PDCD4: variants seen among roughly 807,000 people sequenced by gnomAD.
PDCD4 encodes programmed cell death protein 4.
PDCD4 carries 56 observed loss-of-function variants against 54.0 expected under a neutral mutation model. The observed-to-expected ratio is 1.04, with a 90% CI of 0.84 to 1.30. The LOEUF (loss-of-function observed/expected upper bound fraction) is 1.30, where lower values mean the gene tolerates loss of function less well. PDCD4 is among the 50% of genes most tolerant of loss of function. PDCD4 has a pLI of 0.00. For synonymous variants in PDCD4, 186 were observed against 194.8 expected, an observed-to-expected ratio of 0.95 and a Z score of 0.37; for missense variants, 584 against 559.8, an observed-to-expected ratio of 1.04 and a Z score of -0.44.
At position 110,883,087 on chromosome 10, in the gene PDCD4, A is replaced by T; in HGVS notation, c.431A>T (p.Asp144Val). Residue 144 changes from aspartate (D) to valine (V), a missense_variant, in exon 4 of 12, where the codon GAT becomes GTT. Asp to Val is a radical substitution (Grantham distance 152). Transcript: ENST00000280154. ...GTGGATGTGAAAGATCCTAACTATG[A>T]TGATGACCAGGTATCAGTGCTTTGC... is the stretch of plus-strand genomic sequence containing the variant. ...EEVDVKDPNYDDDQENCVYET... is the reference protein window; with the variant it reads ...EEVDVKDPNYVDDQENCVYET... 6.3e-7 allele frequency: 1 copy of T among 1,578,548 alleles called. No individual in the cohort carries two copies. Among genetic ancestry groups the T allele is most frequent in the Non-Finnish European group, 8.6e-7 (1 of 1,161,486 alleles).
In PDCD4 at chr10:110,894,186, G is replaced by A. The variant is rs767931500; in HGVS notation, c.1086G>A (p.Glu362=). The A allele has an allele frequency of 2.2e-5, 34 of 1,573,912 alleles. No homozygotes were observed. The highest frequency in any genetic ancestry group is 1.3e-4 in the Admixed American group (8 of 59,890). ...KELEVPHFHH[E]LVYEAIIMVL... is the part of the protein sequence containing the mutation. Reference sequence around the variant, plus strand: ...TGGAAGTACCTCATTTTCACCATGAGCTTGTATATGAAGTAAGATTACCTT... The same window carrying A: ...TGGAAGTACCTCATTTTCACCATGAACTTGTATATGAAGTAAGATTACCTT... Residue 362 remains glutamate, a synonymous_variant, in exon 9 of 12, where the codon GAG becomes GAA. Coordinates refer to ENST00000280154, the MANE Select transcript of PDCD4 (RefSeq NM_014456.5).
At chr10:110,875,344 A>G (rs1845486226) in intron 1 of PDCD4, among the ~76,000 whole-genome samples, 1 of 152,116 alleles carries the variant, frequency 6.6e-6, no homozygotes, top group African/African-American at 2.4e-5. Flanking sequence ...TATAAATAAT[A>G]TTATCAAAAA....
Position 110,874,539 on chromosome 10 carries a change from C to G in PDCD4, c.-62-1427C>G, listed in dbSNP as rs1189898720. On this transcript the variant is annotated intron_variant, in intron 1 of 11. Coordinates refer to ENST00000280154, the MANE Select transcript of PDCD4 (RefSeq NM_014456.5). ...TATTTTTAAGATTTTTTTTTCATAT[C>G]TAAAGTTGGCGGGAGTTATAGTGAA... Among the ~76,000 whole-genome samples the G allele has an allele frequency of 3.3e-5, 5 of 151,382 alleles. No individual in the cohort carries two copies. In the East Asian group the frequency reaches 9.7e-4, roughly 29 times the overall value.
At chr10:110,889,697 A>G in intron 7 of PDCD4, 67 bp downstream of exon 7, 1 of 865,982 alleles carries the variant, frequency 1.2e-6, no homozygotes, top group Admixed American at 1.9e-5. Flanking sequence ...TCCTATTGAA[A>G]TGACACTTGT....
intron 4 of PDCD4, chr10:110,885,034 G>C (rs1227494962): frequency 2.8e-6 from 1 of 355,032 alleles, no homozygotes; most frequent in South Asian, 6.3e-5. Context: ...GGCCTCAAGT[G>C]AACCTCCCGC....
At chr10:110,880,139 A>AT (rs1845568855) in intron 2 of PDCD4, among the ~76,000 whole-genome samples, 1 of 152,208 alleles carries the variant, frequency 6.6e-6, no homozygotes, top group South Asian at 2.1e-4. Context: ...TCTCCATGGA[A>AT]TTTGAGTATG....
intron 4 of PDCD4, 104 bp downstream of exon 4, chr10:110,883,201 T>C (rs1168332023): frequency 1.4e-6 from 1 of 738,896 alleles, no homozygotes; most frequent in Non-Finnish European, 2.2e-6. Context: ...TGTATAAATG[T>C]TTTGGATTAG....
At position 110,889,545 on chromosome 10, in the gene PDCD4, T is replaced by C; in HGVS notation, c.790T>C (p.Phe264Leu). 1.3e-6 allele frequency: 2 copies of C among 1,597,964 alleles called. No homozygotes were observed. The highest frequency in any genetic ancestry group is 1.3e-5 in the African/African-American group (1 of 74,488). The change falls in exon 7 of 12, where the codon TTT becomes CTT. Residue 264 changes from phenylalanine (F) to leucine (L), a missense_variant. Physicochemically the swap from Phe to Leu is conservative, Grantham distance 22. Transcript: ENST00000280154. The stretch of plus-strand genomic sequence containing the variant: ...TTCCTTTTTACAGTTGGTGGGCCAG[T>C]TTATTGCTAGAGCTGTTGGAGATGG... ...TPRAPQLVGQ[F>L]IARAVGDGIL... is the part of the protein sequence containing the mutation.
Position 110,898,281 on chromosome 10 carries a change from G to A in PDCD4, c.*193G>A. On this transcript the variant is annotated 3_prime_UTR_variant, in exon 12 of 12. Transcript: ENST00000280154. ...TTTTCTTTTTTTTTTGTTTTTCGAG[G>A]GGGCAAGGAGGGACAGAAAAGTAAC... The A allele has an allele frequency of 2.6e-6, 1 of 383,618 alleles. No homozygotes were observed. 23.8% of individuals were successfully genotyped at this position (383,618 alleles called of 1,614,324 possible).
chr10:110,898,157 A>ATT lies in PDCD4; in HGVS notation c.*69_*70insTT. ...CTGAATTGTAAGAGTTGTTAGCACAAGTTTTTTTTTTTTTTTTTTTTAAGC... is the reference window on the plus strand; with the variant it reads ...CTGAATTGTAAGAGTTGTTAGCACAATTGTTTTTTTTTTTTTTTTTTTTAAGC... On this transcript the variant is annotated 3_prime_UTR_variant, in exon 12 of 12. Transcript: ENST00000280154. The ATT allele has an allele frequency of 2.4e-5, 16 of 672,942 alleles. No homozygotes were observed. The highest frequency in any genetic ancestry group is 5.5e-5 in the African/African-American group (2 of 36,618). 41.7% of individuals were successfully genotyped at this position (672,942 alleles called of 1,614,324 possible).
rs1365379379 is a variant in PDCD4 at position 110,885,278 on chromosome 10, T to C, written c.467T>C (p.Val156Ala). The C allele has an allele frequency of 5.1e-6, 8 of 1,584,062 alleles. No individual in the cohort carries two copies. Among genetic ancestry groups the C allele is most frequent in the African/African-American group, 1.4e-5 (1 of 73,864 alleles). Residue 156 changes from valine (V) to alanine (A), a missense_variant, in exon 5 of 12, where the codon GTT becomes GCT. Physicochemically the swap from Val to Ala is moderately conservative, Grantham distance 64. Transcript: ENST00000280154. ...DQENCVYETVVLPLDERAFEK... is the reference protein window; with the variant it reads ...DQENCVYETVALPLDERAFEK... ...GAGAACTGTGTTTATGAAACTGTAGTTTTGCCTTTGGATGAAAGGGCATTT... is the reference window on the plus strand; with the variant it reads ...GAGAACTGTGTTTATGAAACTGTAGCTTTGCCTTTGGATGAAAGGGCATTT...
rs182336270 is a variant in PDCD4, at chr10:110,897,859, T to C, written c.1350-169T>C. Among the ~76,000 whole-genome samples the C allele has an allele frequency of 3.2e-3, 485 of 151,888 alleles. 26 individuals carry two copies. In the South Asian group the frequency reaches 0.093, roughly 29 times the overall value. ...TATTGATGTTTTATGCTAAGATATA[T>C]AGTAGGGAGTCTTTTCCAAAGGAAT... On this transcript the variant is annotated intron_variant, in intron 11 of 11. Coordinates refer to ENST00000280154, the MANE Select transcript of PDCD4 (RefSeq NM_014456.5).
At chr10:110,885,609 A>G (rs1845658811) in intron 5 of PDCD4, among the ~76,000 whole-genome samples, 1 of 151,846 alleles carries the variant, frequency 6.6e-6, no homozygotes, top group Non-Finnish European at 1.5e-5. Context: ...TATAATTTTT[A>G]TAATTATAAT....
At chr10:110,883,781 T>G (rs1428911069) in intron 4 of PDCD4, among the ~76,000 whole-genome samples, 1 of 152,218 alleles carries the variant, frequency 6.6e-6, no homozygotes, top group Non-Finnish European at 1.5e-5. Flanking sequence ...GATGGAAATT[T>G]TAGACAGGAA....
chr10:110,880,607 G>C (rs149784556), intron 2 of PDCD4: 1 of 152,326 alleles, frequency 6.6e-6, no homozygotes, highest in East Asian at 1.9e-4. Flanking sequence ...AATCATATGC[G>C]ATTATTTGCT....
rs148984071 is a variant in PDCD4 at position 110,873,503 on chromosome 10, C to A, written c.-63+1485C>A. ...GGAATGTCTTGGCAGTTGAATACTT[C>A]TGATTGTATATTTCGTGTAACACAC... On this transcript the variant is annotated intron_variant, in intron 1 of 11. Transcript: ENST00000280154. Among the ~76,000 whole-genome samples the A allele has an allele frequency of 3.1e-4, 47 of 152,292 alleles. No homozygotes were observed. The East Asian group carries it at 8.5e-3, about 27-fold the overall frequency.
At chr10:110,878,961 T>G (rs2135193330) in intron 2 of PDCD4, among the ~76,000 whole-genome samples, 1 of 152,330 alleles carries the variant, frequency 6.6e-6, no homozygotes, top group Admixed American at 6.5e-5. Flanking sequence ...TAATTACTAC[T>G]GATGGTTATG....
At chr10:110,883,626 C>A (rs1028055919) in intron 4 of PDCD4, among the ~76,000 whole-genome samples, 1 of 152,038 alleles carries the variant, frequency 6.6e-6, no homozygotes, top group Non-Finnish European at 1.5e-5. Flanking sequence ...ATTACAAACT[C>A]ATAGGCAGTC....
In PDCD4 at chr10:110,898,003, A is replaced by T. The variant is rs767826132; in HGVS notation, c.1350-25A>T. 4.5e-6 allele frequency: 7 copies of T among 1,542,968 alleles called. No individual in the cohort carries two copies. In the Middle Eastern group the frequency reaches 1.1e-3, roughly 241 times the overall value. On this transcript the variant is annotated intron_variant, in intron 11 of 11. Coordinates refer to ENST00000280154, the MANE Select transcript of PDCD4 (RefSeq NM_014456.5). Reference sequence around the variant, plus strand: ...ATAGTCAGAATTTGTATCTGTTTTCATGTCTTTTTTTTTCTTCATTACAGG... The same window carrying T: ...ATAGTCAGAATTTGTATCTGTTTTCTTGTCTTTTTTTTTCTTCATTACAGG...
Sources: gnomAD v4.1 joint callset for allele counts (sites outside exome capture counted in the v4.1 genomes callset) on GRCh38, gnomAD v4.1.1 for gene constraint, MANE v1.5 for transcripts, NCBI Gene and HGNC (gene_info 2026-07-23, HGNC 2026-07-21) for gene names.